Variants in SPIDR observed in about 807,000 individuals in gnomAD.
SPIDR encodes the protein DNA repair-scaffolding protein.
A neutral mutation model predicts 104.6 loss-of-function variants in SPIDR; 93 were observed. The observed-to-expected ratio is 0.89, with a 90% CI of 0.75 to 1.06. SPIDR has a LOEUF of 1.06. SPIDR is among the 50% of genes least tolerant of loss of function. The pLI, the probability that SPIDR is intolerant of heterozygous loss-of-function variation, is 0.00. For missense variants in SPIDR, 1,154 were observed against 1,111.2 expected, an observed-to-expected ratio of 1.04 and a Z score of -0.55; for synonymous variants, 431 against 416.9, an observed-to-expected ratio of 1.03 and a Z score of -0.41.
intron 7 of SPIDR, among the ~76,000 whole-genome samples, chr8:47,435,619 A>G (rs573475441): frequency 5.9e-4 from 90 of 152,168 alleles, no homozygotes; most frequent in African/African-American, 2.0e-3. Flanking sequence ...TGTGGTCTCC[A>G]TTTGATCTTT....
intron 5 of SPIDR, among the ~76,000 whole-genome samples, chr8:47,333,753 A>G (rs2049189381): frequency 6.6e-6 from 1 of 152,282 alleles, no homozygotes; most frequent in Non-Finnish European, 1.5e-5. Context: ...CAGCTTCACC[A>G]TGAACATGTG....
intron 8 of SPIDR, among the ~76,000 whole-genome samples, chr8:47,529,910 A>G (rs1366467150): frequency 6.6e-6 from 1 of 152,216 alleles, no homozygotes; most frequent in African/African-American, 2.4e-5. Context: ...TGCACATCAA[A>G]CTCAAGAGGA....
chr8:47,335,305 G>C (rs2049481504), intron 5 of SPIDR, among the ~76,000 whole-genome samples: 2 of 151,704 alleles, frequency 1.3e-5, no homozygotes, highest in African/African-American at 2.4e-5. Flanking sequence ...AGTTTTTTTG[G>C]CAACAAAGTG....
intron 10 of SPIDR, among the ~76,000 whole-genome samples, chr8:47,619,350 C>G (rs1240587143): frequency 1.3e-5 from 2 of 152,052 alleles, no homozygotes; most frequent in African/African-American, 2.4e-5. Flanking sequence ...TTCAATTGGC[C>G]CTTAAATACT....
In SPIDR at chr8:47,492,702, A is replaced by G. The variant is rs535381486; in HGVS notation, c.1097+52160A>G. 3.9e-5 allele frequency among the ~76,000 whole-genome samples: 6 copies of G among 152,132 alleles called. No homozygotes were observed. The South Asian group carries it at 1.2e-3, about 32-fold the overall frequency. On this transcript the variant is annotated intron_variant, in intron 8 of 19. Transcript: ENST00000297423. ...GTGTGTTGTCACAGCTATTATGTAA[A>G]TTTAGGAAGCATACGTCTGGCCGTA...
rs567372300 is a variant in SPIDR, at chr8:47,620,254, T to G, written c.1544+21058T>G. Among the ~76,000 whole-genome samples the G allele has an allele frequency of 6.7e-5, 10 of 149,126 alleles. No homozygotes were observed. In the South Asian group the frequency reaches 1.9e-3, roughly 28 times the overall value. On this transcript the variant is annotated intron_variant, in intron 10 of 19. Coordinates refer to ENST00000297423, the MANE Select transcript of SPIDR (RefSeq NM_001080394.4). ...ATTTGGTTTTGTTTTGATTATGAGA[T>G]GAAACTCACCATTTAAACCTTTTTT...
intron 8 of SPIDR, chr8:47,592,698 A>G (rs1005973183): frequency 1.6e-6 from 1 of 644,606 alleles, no homozygotes; most frequent in African/African-American, 1.8e-5. Flanking sequence ...TATTTATAAT[A>G]TGATTGTCTT....
intron 5 of SPIDR, among the ~76,000 whole-genome samples, chr8:47,322,248 G>GA (rs1165736322): frequency 3.3e-5 from 5 of 151,928 alleles, no homozygotes; most frequent in African/African-American, 7.2e-5. Flanking sequence ...AAATTTTCAA[G>GA]AAAAAAACGC....
intron 8 of SPIDR, among the ~76,000 whole-genome samples, chr8:47,464,038 G>A (rs186134171): frequency 7.9e-5 from 12 of 151,766 alleles, no homozygotes; most frequent in African/African-American, 2.9e-4. Flanking sequence ...AAAGAATCTA[G>A]ATTGGAAAGA....
intron 10 of SPIDR, among the ~76,000 whole-genome samples, chr8:47,635,695 C>A (rs1281615807): frequency 6.6e-6 from 1 of 151,898 alleles, no homozygotes; most frequent in African/African-American, 2.4e-5. Flanking sequence ...GCAGTGCACT[C>A]CAGCTGGGGC....
At chr8:47,447,738 A>C (rs1554703000) in intron 8 of SPIDR, among the ~76,000 whole-genome samples, 1 of 152,160 alleles carries the variant, frequency 6.6e-6, no homozygotes, top group Non-Finnish European at 1.5e-5. Context: ...TGATGCAGCA[A>C]ACTTTATTGT....
intron 8 of SPIDR, among the ~76,000 whole-genome samples, chr8:47,548,414 G>A (rs149206702): frequency 1.9e-3 from 294 of 152,346 alleles, no homozygotes; most frequent in Middle Eastern, 0.01. Flanking sequence ...TTGGGAGGCC[G>A]AGGCTGGTGG....
intron 5 of SPIDR, among the ~76,000 whole-genome samples, chr8:47,389,688 C>CA (rs11295388): frequency 0.33 from 20,087 of 60,994 alleles, 3,006 homozygotes; most frequent in South Asian, 0.44. Flanking sequence ...GACTCCATCT[C>CA]AAAAAAAAAA....
chr8:47,418,149 A>G (rs921590323), intron 7 of SPIDR, among the ~76,000 whole-genome samples: 14 of 152,148 alleles, frequency 9.2e-5, no homozygotes, highest in African/African-American at 1.7e-4. Context: ...TTTTTTTCCA[A>G]TTCTGTGATG....
intron 7 of SPIDR, among the ~76,000 whole-genome samples, chr8:47,417,837 C>T (rs1445625067): frequency 6.6e-6 from 1 of 152,208 alleles, no homozygotes; most frequent in Non-Finnish European, 1.5e-5. Context: ...CAGCTTTCTA[C>T]ATATGGCTAG....
chr8:47,617,361 G>A (rs2064475552), intron 10 of SPIDR, among the ~76,000 whole-genome samples: 1 of 152,166 alleles, frequency 6.6e-6, no homozygotes. Context: ...CAGAGAAGGC[G>A]TGGCATACAA....
intron 5 of SPIDR, among the ~76,000 whole-genome samples, chr8:47,363,566 T>C (rs1456269982): frequency 6.6e-5 from 10 of 152,058 alleles, no homozygotes; most frequent in Admixed American, 6.6e-4. Context: ...GTTTCCCTTC[T>C]TCCCGCCCCA....
intron 8 of SPIDR, among the ~76,000 whole-genome samples, chr8:47,461,931 C>G (rs1426857315): frequency 6.6e-6 from 1 of 151,510 alleles, no homozygotes; most frequent in African/African-American, 2.4e-5. Flanking sequence ...GAGATTTCTT[C>G]TTGGTTTGGA....
At chr8:47,528,800 A>G (rs897232004) in intron 8 of SPIDR, among the ~76,000 whole-genome samples, 5 of 152,240 alleles carry the variant, frequency 3.3e-5, no homozygotes, top group African/African-American at 1.2e-4. Flanking sequence ...ATAATATTCA[A>G]GAACTCTGGG....
Sources: allele counts gnomAD v4.1 joint callset (sites outside exome capture counted in the v4.1 genomes callset), GRCh38; gene constraint gnomAD v4.1.1; transcripts MANE v1.5; gene names NCBI Gene and HGNC (gene_info 2026-07-23, HGNC 2026-07-21).